ERI1: variants seen among roughly 807,000 people sequenced by gnomAD.
The protein encoded by ERI1 is exoribonuclease 1.
Under a neutral mutation model 39.7 loss-of-function variants are expected in ERI1, and 39 were observed. That is an observed-to-expected ratio of 0.98 (90% CI 0.76 to 1.28). ERI1 has a LOEUF of 1.28. Ranked by LOEUF, ERI1 falls within the 50% of genes most tolerant of loss-of-function variation. ERI1 has a pLI of 0.00. For missense variants in ERI1, 581 were observed against 416.9 expected (o/e 1.39, Z -3.43); for synonymous variants, 204 against 149.6 (o/e 1.36, Z -2.65).
In ERI1 at chr8:9,030,774, C is replaced by G. The variant is rs1211884241; in HGVS notation, c.*740C>G. ...TGTTTGATTCGCCTTCCTTTTTTGA[C>G]ATATGTATGCCTTAATTCTTAAATC... On this transcript the variant is annotated 3_prime_UTR_variant, in exon 7 of 7. Coordinates refer to ENST00000250263, the MANE Select transcript of ERI1 (RefSeq NM_153332.4). The G allele has an allele frequency of 1.3e-5, 2 of 152,200 alleles. No individual in the cohort carries two copies. Among genetic ancestry groups the G allele is most frequent in the African/African-American group, 4.8e-5 (2 of 41,538 alleles). 9.4% of individuals were successfully genotyped at this position (152,200 alleles called of 1,614,324 possible). A position where few individuals can be genotyped will look rare whatever the true frequency, so the allele number is the denominator to read the frequency against.
intron 3 of ERI1, chr8:9,091,594 C>G (rs555235975): frequency 6.6e-6 from 1 of 152,066 alleles, no homozygotes; most frequent in East Asian, 1.9e-4. Context: ...CAATGTCAAA[C>G]ACAGAAGTCT....
At chr8:9,049,395 T>TG (rs1798285160) in intron 3 of ERI1, among the ~76,000 whole-genome samples, 1 of 109,768 alleles carries the variant, frequency 9.1e-6, no homozygotes, top group South Asian at 3.3e-4. Context: ...AAATTAATGG[T>TG]GAAAAAAAAA....
intron 3 of ERI1, 118 bp from the exon 4 acceptor site, chr8:9,016,204 G>C (rs1053892140): frequency 2.1e-6 from 1 of 471,032 alleles, no homozygotes; most frequent in East Asian, 3.2e-5. Context: ...AAAACTGGAA[G>C]GGTTTATGCC....
Position 9,074,791 on chromosome 8 carries a change from T to G in ERI1, n.300-41557T>G, listed in dbSNP as rs561404393. Reference sequence around the variant, plus strand: ...ATGGGAACTTCCTGTCATATTTCCTTTTTAAAAATTTCTAAATTCCTAAAA... The same window carrying G: ...ATGGGAACTTCCTGTCATATTTCCTGTTTAAAAATTTCTAAATTCCTAAAA... On this transcript the variant is annotated intron_variant and non_coding_transcript_variant, in intron 3 of 3. Transcript: ENST00000518663. Among the ~76,000 whole-genome samples, 14 of 152,324 alleles carry G rather than the reference T, an allele frequency of 9.2e-5. No individual in the cohort carries two copies. In the South Asian group the frequency reaches 1.7e-3, roughly 18 times the overall value.
intron 3 of ERI1, among the ~76,000 whole-genome samples, chr8:9,077,817 C>T (rs889122736): frequency 1.3e-5 from 2 of 152,156 alleles, no homozygotes; most frequent in East Asian, 1.9e-4. Context: ...TTTGCCCCTC[C>T]GCAGGTACTC....
intron 3 of ERI1, among the ~76,000 whole-genome samples, chr8:9,055,342 C>A (rs1193726123): frequency 6.6e-6 from 1 of 152,184 alleles, no homozygotes; most frequent in Non-Finnish European, 1.5e-5. Context: ...TTAGGTCAAA[C>A]TTAAAATATG....
chr8:9,072,627 TA>T (rs544955192), intron 3 of ERI1: 4,510 of 146,852 alleles, frequency 0.031, 205 homozygotes, highest in African/African-American at 0.097. Context: ...GTTCTTTCTT[TA>T]AAAAAAAAAA....
chr8:9,034,493 T>G (rs1026091691), downstream of ERI1, among the ~76,000 whole-genome samples: 8 of 152,146 alleles, frequency 5.3e-5, no homozygotes, highest in African/African-American at 1.9e-4. Context: ...AACTTTTTGA[T>G]TATTATTATC....
intron 3 of ERI1, among the ~76,000 whole-genome samples, chr8:9,041,122 G>A (rs1233172337): frequency 1.3e-5 from 2 of 152,292 alleles, no homozygotes; most frequent in East Asian, 3.9e-4. Flanking sequence ...AGTACAGTGG[G>A]GGAACAATGA....
chr8:9,017,844 A>C (rs1467033843), intron 4 of ERI1, among the ~76,000 whole-genome samples: 1 of 152,200 alleles, frequency 6.6e-6, no homozygotes. Flanking sequence ...GGATTTAAGT[A>C]TGAGAGTGAT....
Position 9,011,523 on chromosome 8 carries a change from GTCT to G in ERI1, c.288-9_288-7del, listed in dbSNP as rs370416756. 1.9e-4 allele frequency: 288 copies of G among 1,528,078 alleles called. 1 individual carries two copies. In the East Asian group the frequency reaches 2.4e-3, roughly 13 times the overall value. The allele number at this position is 1,528,078 out of a possible 1,614,324, so 94.7% of individuals were successfully genotyped here. ...TGTAGAATTTACCTAAGTGTAACTA[GTCT>G]TCTTCTTCTACTTAGAGGAGTAAAG... On this transcript the variant is annotated splice_polypyrimidine_tract_variant and intron_variant, in intron 2 of 6. Coordinates refer to ENST00000250263, the MANE Select transcript of ERI1 (RefSeq NM_153332.4).
In ERI1 at chr8:9,025,693, C is replaced by CT. The variant is rs35325273; in HGVS notation, c.808-4089dup. ...ACTCTCTAGGACTTTTCATTTTAAT[C>CT]TTTTTTTTTTGTGTGTGTGTGTGTG... On this transcript the variant is annotated intron_variant, in intron 6 of 6. Coordinates refer to ENST00000250263, the MANE Select transcript of ERI1 (RefSeq NM_153332.4). 1.8e-3 allele frequency among the ~76,000 whole-genome samples: 269 copies of CT among 149,808 alleles called. 1 individual carries two copies. Among genetic ancestry groups the CT allele is most frequent in the African/African-American group, 5.8e-3 (237 of 40,956 alleles).
chr8:9,022,016 G>A (rs1435147400), intron 6 of ERI1, among the ~76,000 whole-genome samples: 1 of 151,804 alleles, frequency 6.6e-6, no homozygotes, highest in Non-Finnish European at 1.5e-5. Context: ...AAACCTAAGA[G>A]TGCAGTTGCT....
In ERI1 at chr8:9,081,993, C is replaced by A. The variant is rs551842852; in HGVS notation, n.300-34355C>A. ...TGAAGAATTCTGCCTTCATCTTAGTCCATCTGGACCCTGCAGCCAACTTTT... is the reference window on the plus strand; with the variant it reads ...TGAAGAATTCTGCCTTCATCTTAGTACATCTGGACCCTGCAGCCAACTTTT... On this transcript the variant is annotated intron_variant and non_coding_transcript_variant, in intron 3 of 3. Transcript: ENST00000518663. Among the ~76,000 whole-genome samples the A allele has an allele frequency of 3.3e-5, 5 of 152,346 alleles. No individual in the cohort carries two copies. In the South Asian group the frequency reaches 8.3e-4, roughly 25 times the overall value.
intron 3 of ERI1, among the ~76,000 whole-genome samples, chr8:9,089,013 C>G (rs1799621115): frequency 6.6e-6 from 1 of 152,148 alleles, no homozygotes. Context: ...TTAGAGTTAG[C>G]CAGACTTAGG....
intron 3 of ERI1, chr8:9,091,507 C>CA (rs529063509): frequency 0.49 from 69,070 of 140,812 alleles, 17,211 homozygotes; most frequent in African/African-American, 0.63. Flanking sequence ...GACTCTGTCT[C>CA]AAAAAAAAAA....
chr8:9,042,488 G>A (rs778351063), intron 3 of ERI1, among the ~76,000 whole-genome samples: 2 of 152,130 alleles, frequency 1.3e-5, no homozygotes, highest in Non-Finnish European at 2.9e-5. Flanking sequence ...GCCTACTCTT[G>A]TGTCACTCAA....
chr8:9,007,932 ATCCTTTTTTTTTTTTT>A lies in ERI1; in HGVS notation c.109-36_109-21del, dbSNP rs771887365. 830 of 1,528,940 alleles carry A rather than the reference ATCCTTTTTTTTTTTTT, an allele frequency of 5.4e-4. 4 individuals are homozygous for A. Among genetic ancestry groups the A allele is most frequent in the Admixed American group, 1.2e-3 (51 of 42,512 alleles). The allele number at this position is 1,528,940 out of a possible 1,614,324, so 94.7% of individuals were successfully genotyped here. A position where few individuals can be genotyped will look rare whatever the true frequency, so the allele number is the denominator to read the frequency against. On this transcript the variant is annotated intron_variant, in intron 1 of 6. Coordinates refer to ENST00000250263, the MANE Select transcript of ERI1 (RefSeq NM_153332.4). ...GATGTTTGTACTAATTATAAACTAC[ATCCTTTTTTTTTTTTT>A]TTTTTTTTTTTTTTTTGGTAGGAAA...
chr8:9,061,070 G>A (rs896056612), intron 3 of ERI1, among the ~76,000 whole-genome samples: 9 of 152,180 alleles, frequency 5.9e-5, no homozygotes, highest in African/African-American at 1.4e-4. Context: ...CAACTAATTC[G>A]GTTTGTTCAG....
Sources: gnomAD v4.1 joint callset for allele counts (sites outside exome capture counted in the v4.1 genomes callset) on GRCh38, gnomAD v4.1.1 for gene constraint, MANE v1.5 for transcripts, NCBI Gene and HGNC (gene_info 2026-07-23, HGNC 2026-07-21) for gene names.